SLC1A7: variants seen among roughly 807,000 people sequenced by gnomAD.
SLC1A7 encodes the protein excitatory amino acid transporter 5.
A neutral mutation model predicts 47.7 loss-of-function variants in SLC1A7; 40 were observed. That is an observed-to-expected ratio of 0.84 (90% CI 0.65 to 1.09). The LOEUF (loss-of-function observed/expected upper bound fraction) is 1.09, where lower values mean the gene tolerates loss of function less well. Among genes scored for constraint, SLC1A7 ranks in the 50% least tolerant of loss-of-function variants. SLC1A7 has a pLI of 0.00. For synonymous variants in SLC1A7, 323 were observed against 325.6 expected, an observed-to-expected ratio of 0.99 and a Z score of 0.09; for missense variants, 746 against 769.5, an observed-to-expected ratio of 0.97 and a Z score of 0.36.
intron 1 of SLC1A7, among the ~76,000 whole-genome samples, chr1:53,136,771 ATCT>A (rs1645004972): frequency 6.7e-6 from 1 of 150,218 alleles, no homozygotes; most frequent in South Asian, 2.1e-4. Context: ...GGCTCAAGTA[ATCT>A]TCACACCTCA....
Position 53,142,504 on chromosome 1 carries a change from G to T in SLC1A7, c.-55C>A. On this transcript the variant is annotated 5_prime_UTR_variant, in exon 1 of 11. Coordinates refer to ENST00000371494, the MANE Select transcript of SLC1A7 (RefSeq NM_006671.6). ...AGCACCATTCCACGCATGAGAGCCC[G>T]GCCGGGGGCACAGGGTCTGGGCTGA... The T allele has an allele frequency of 1.3e-6, 2 of 1,586,226 alleles. No individual in the cohort carries two copies. The highest frequency in any genetic ancestry group is 2.3e-5 in the East Asian group (1 of 44,438).
chr1:53,113,373 C>T (rs372642619), intron 3 of SLC1A7, among the ~76,000 whole-genome samples: 1 of 152,054 alleles, frequency 6.6e-6, no homozygotes, highest in African/African-American at 2.4e-5. Context: ...CTTAGACTCC[C>T]CCATGAGATT....
intron 2 of SLC1A7, among the ~76,000 whole-genome samples, chr1:53,125,136 G>A (rs1309378929): frequency 2.0e-5 from 3 of 152,200 alleles, no homozygotes; most frequent in Admixed American, 1.3e-4. Flanking sequence ...GCACACGGAA[G>A]ACGGCTGAGG....
Position 53,134,420 on chromosome 1 carries a change from A to C in SLC1A7, c.145T>G (p.Tyr49Asp). The C allele has an allele frequency of 6.2e-7, 1 of 1,611,068 alleles. No individual in the cohort carries two copies. Among genetic ancestry groups the C allele is most frequent in the Non-Finnish European group, 8.5e-7 (1 of 1,177,698 alleles). The change falls in exon 2 of 11, where the codon TAC becomes GAC. Residue 49 changes from tyrosine to aspartate, a missense_variant. Transcript: ENST00000371494. Reference protein sequence around the residue: ...TRRLSPQEISYFQFPGELLMR... With the variant: ...TRRLSPQEISDFQFPGELLMR... ...AGGAGCTCTCCAGGGAACTGGAAGT[A>C]ACTAATTTCCTGAAAACACAGTAAG...
At chr1:53,140,611 G>A (rs1231608293) in intron 1 of SLC1A7, among the ~76,000 whole-genome samples, 2 of 152,168 alleles carry the variant, frequency 1.3e-5, no homozygotes, top group Non-Finnish European at 2.9e-5. Flanking sequence ...GATGGTTCCT[G>A]ATGTAGATAG....
intron 5 of SLC1A7, among the ~76,000 whole-genome samples, chr1:53,098,564 TACTC>T (rs1301341488): frequency 1.5e-5 from 2 of 135,048 alleles, no homozygotes; most frequent in East Asian, 4.7e-4. Flanking sequence ...CACCTCAGCA[TACTC>T]ACACACCCTG....
Position 53,098,161 on chromosome 1 carries a change from C to T in SLC1A7, c.698-4601G>A, listed in dbSNP as rs528318126. On this transcript the variant is annotated intron_variant, in intron 5 of 10. Transcript: ENST00000371494. ...CACCACGTCTTGGTAAACTCACACA[C>T]CCCGCCTCTGTACACTCACATGCAC... Among the ~76,000 whole-genome samples the T allele has an allele frequency of 3.3e-5, 5 of 151,366 alleles. No individual in the cohort carries two copies. In the South Asian group the frequency reaches 1.0e-3, roughly 32 times the overall value.
At chr1:53,137,875 C>A (rs969376625) in intron 1 of SLC1A7, among the ~76,000 whole-genome samples, 4 of 152,182 alleles carry the variant, frequency 2.6e-5, no homozygotes, top group African/African-American at 9.6e-5. Flanking sequence ...TGGTTTCCTT[C>A]TTGGTTGTCA....
intron 2 of SLC1A7, among the ~76,000 whole-genome samples, chr1:53,126,603 ATC>A (rs1456074534): frequency 1.3e-5 from 2 of 152,014 alleles, no homozygotes; most frequent in Non-Finnish European, 2.9e-5. Context: ...AAGTGTCTTG[ATC>A]TCTGGGAATG....
rs138580541 is a variant in SLC1A7, at chr1:53,100,370, C to T, written c.697+2976G>A. 2.1e-3 allele frequency among the ~76,000 whole-genome samples: 311 copies of T among 150,902 alleles called. 1 individual carries two copies. The highest frequency in any genetic ancestry group is 4.8e-3 in the Admixed American group (73 of 15,172). On this transcript the variant is annotated intron_variant, in intron 5 of 10. Transcript: ENST00000371494. ...CACAACCCAACTCAGTACACTCACACGCCCCACCTCGGTACACTCACACAC... is the reference window on the plus strand; with the variant it reads ...CACAACCCAACTCAGTACACTCACATGCCCCACCTCGGTACACTCACACAC...
In SLC1A7 at chr1:53,142,550, G is replaced by T; in HGVS notation, c.-101C>A. The T allele has an allele frequency of 7.2e-7, 1 of 1,383,542 alleles. No individual in the cohort carries two copies. Among genetic ancestry groups the T allele is most frequent in the Non-Finnish European group, 9.6e-7 (1 of 1,036,416 alleles). 85.7% of individuals were successfully genotyped at this position (1,383,542 alleles called of 1,614,324 possible). ...GCTGAGGGCTCTAGCCCCTCAGCAG[G>T]CAGGTGGTCGGAGTTGCTAAACACC... On this transcript the variant is annotated 5_prime_UTR_variant, in exon 1 of 11. Coordinates refer to ENST00000371494, the MANE Select transcript of SLC1A7 (RefSeq NM_006671.6).
rs555072685 is a variant in SLC1A7, at chr1:53,112,556, G to A, written c.431+2202C>T. ...CCTGTGTATGGGCATCTATCCCCAC[G>A]GGGGAGGAAAGGAATGCTTCTCCAC... On this transcript the variant is annotated intron_variant, in intron 3 of 10. Transcript: ENST00000371494. 7.2e-5 allele frequency among the ~76,000 whole-genome samples: 11 copies of A among 152,310 alleles called. No individual in the cohort carries two copies. In the South Asian group the frequency reaches 1.2e-3, roughly 17 times the overall value.
chr1:53,138,124 G>A (rs2404210), intron 1 of SLC1A7, among the ~76,000 whole-genome samples: 40,342 of 152,068 alleles, frequency 0.27, 5,566 homozygotes, highest in Admixed American at 0.36. Flanking sequence ...GGTTTAGAAG[G>A]TGTTTCTCCC....
intron 2 of SLC1A7, among the ~76,000 whole-genome samples, chr1:53,129,338 T>G (rs1467663927): frequency 1.3e-5 from 2 of 152,198 alleles, no homozygotes; most frequent in African/African-American, 4.8e-5. Context: ...GAGGCTCAGA[T>G]GCTAAAAGGC....
chr1:53,105,494 T>G (rs1460073546), intron 4 of SLC1A7, among the ~76,000 whole-genome samples: 1 of 152,142 alleles, frequency 6.6e-6, no homozygotes, highest in Non-Finnish European at 1.5e-5. Flanking sequence ...CAGTGAAGGC[T>G]TCTCTCCACC....
chr1:53,090,402 G>A, intron 8 of SLC1A7: 2 of 763,230 alleles, frequency 2.6e-6, no homozygotes, highest in Non-Finnish European at 2.0e-6. Flanking sequence ...CCTGAGTCCT[G>A]TCCCTGGCCT....
At chr1:53,135,018 G>C (rs898233707) in intron 1 of SLC1A7, among the ~76,000 whole-genome samples, 1 of 152,082 alleles carries the variant, frequency 6.6e-6, no homozygotes, top group Non-Finnish European at 1.5e-5. Flanking sequence ...CGGATAAGGG[G>C]GGACTGCTCT....
rs188144352 is a variant in SLC1A7, at chr1:53,136,394, A to C, written c.136-1965T>G. On this transcript the variant is annotated intron_variant, in intron 1 of 10. Coordinates refer to ENST00000371494, the MANE Select transcript of SLC1A7 (RefSeq NM_006671.6). ...ATTTTAGTAGAGATGGGGTTTCACCATGTTTGCCAGGATGGTCTTAATCTC... is the reference window on the plus strand; with the variant it reads ...ATTTTAGTAGAGATGGGGTTTCACCCTGTTTGCCAGGATGGTCTTAATCTC... Among the ~76,000 whole-genome samples the C allele has an allele frequency of 5.7e-3, 844 of 147,500 alleles. 7 individuals are homozygous for C. Among genetic ancestry groups the C allele is most frequent in the African/African-American group, 0.02 (809 of 40,654 alleles).
At chr1:53,092,218 G>C (rs1644429478) in intron 7 of SLC1A7, among the ~76,000 whole-genome samples, 1 of 152,254 alleles carries the variant, frequency 6.6e-6, no homozygotes, top group South Asian at 2.1e-4. Context: ...CCGACTCCAG[G>C]AGAAGCACCT....
Sources: gnomAD v4.1 joint callset for allele counts (sites outside exome capture counted in the v4.1 genomes callset) on GRCh38, gnomAD v4.1.1 for gene constraint, MANE v1.5 for transcripts, NCBI Gene and HGNC (gene_info 2026-07-23, HGNC 2026-07-21) for gene names.